The following EGFR variants were observed in gnomAD, a reference collection of about 807,000 sequenced individuals.
The protein encoded by EGFR is avian erythroblastic leukemia viral (v-erb-b) oncogene homolog.
A neutral mutation model predicts 143.0 loss-of-function variants in EGFR; 58 were observed. That is an observed-to-expected ratio of 0.41 (90% confidence interval 0.33 to 0.50). The LOEUF is 0.50. Ranked by LOEUF, EGFR falls within the 20% of genes least tolerant of loss-of-function variation. The probability of loss-of-function intolerance (pLI) is 0.39; values close to 1 mark genes in which losing one functional copy is unlikely to be tolerated. For missense variants in EGFR, 1,307 were observed against 1,579.0 expected (o/e 0.83, Z 2.92); for synonymous variants, 613 against 594.4 (o/e 1.03, Z -0.45).
At chr7:55,140,496 C>T (rs1794399559) in intron 1 of EGFR, among the ~76,000 whole-genome samples, 2 of 152,194 alleles carry the variant, frequency 1.3e-5, no homozygotes, top group African/African-American at 4.8e-5. Flanking sequence ...CGAAAGGCCA[C>T]ATGTTATTGT....
intron 1 of EGFR, among the ~76,000 whole-genome samples, chr7:55,088,382 G>A (rs57682440): frequency 0.19 from 29,165 of 152,126 alleles, 3,210 homozygotes; most frequent in African/African-American, 0.28. Flanking sequence ...AGCGTGGTGC[G>A]TCCAGTACCT....
chr7:55,161,597 AG>A lies in EGFR; in HGVS notation c.1600del (p.Glu534AsnfsTer34). 1 of 1,614,280 alleles carries A rather than the reference AG, an allele frequency of 6.2e-7. No individual in the cohort carries two copies. The highest frequency in any genetic ancestry group is 8.5e-7 in the Non-Finnish European group (1 of 1,180,038). On this transcript the variant is annotated frameshift_variant, in exon 13 of 28. Coordinates refer to ENST00000275493, the MANE Select transcript of EGFR (RefSeq NM_005228.5). LOFTEE classifies it high-confidence loss of function. ...CVSCRNVSRG[R>X]ECVDKCNLLE... ...CTCTTGCCGGAATGTCAGCCGAGGC[AG>A]GGAATGCGTGGACAAGTGCAACCTT...
intron 14 of EGFR, among the ~76,000 whole-genome samples, chr7:55,164,724 A>G (rs1785882086): frequency 2.0e-5 from 3 of 152,228 alleles, no homozygotes; most frequent in African/African-American, 7.2e-5. Flanking sequence ...CAACCTGAGC[A>G]GTGCTTTTAT....
intron 1 of EGFR, among the ~76,000 whole-genome samples, chr7:55,088,054 A>AACAC (rs3063038): frequency 0.022 from 3,346 of 150,730 alleles, 123 homozygotes; most frequent in African/African-American, 0.075. Flanking sequence ...TCAGGGTATA[A>AACAC]ACACACACAC....
intron 1 of EGFR, among the ~76,000 whole-genome samples, chr7:55,108,987 G>C (rs1375270748): frequency 6.6e-6 from 1 of 152,138 alleles, no homozygotes; most frequent in Admixed American, 6.5e-5. Context: ...AAATCAGCAG[G>C]ATACATTGTG....
chr7:55,165,486 A>G (rs1447685558), intron 15 of EGFR, 49 bp downstream of exon 15: 2 of 1,571,374 alleles, frequency 1.3e-6, no homozygotes, highest in Admixed American at 3.7e-5. Context: ...TTGCAAATTC[A>G]GAGATCAAAA....
chr7:55,128,541 G>C (rs1233914981), intron 1 of EGFR, among the ~76,000 whole-genome samples: 1 of 152,156 alleles, frequency 6.6e-6, no homozygotes, highest in South Asian at 2.1e-4. Flanking sequence ...AATATACGAC[G>C]TGTGTTCTGT....
At chr7:55,192,971 C>A in intron 22 of EGFR, 130 bp downstream of exon 22, 2 of 848,302 alleles carry the variant, frequency 2.4e-6, no homozygotes, top group East Asian at 2.6e-5. Flanking sequence ...ATAATGTAAT[C>A]ATTGCTGTCT....
At chr7:55,147,683 A>G (rs1794838958) in intron 4 of EGFR, among the ~76,000 whole-genome samples, 1 of 152,348 alleles carries the variant, frequency 6.6e-6, no homozygotes, top group Admixed American at 6.5e-5. Flanking sequence ...GGCATTATAC[A>G]TCCACATGGG....
chr7:55,057,251 G>A (rs77434480), intron 1 of EGFR, among the ~76,000 whole-genome samples: 1,553 of 152,292 alleles, frequency 0.01, 31 homozygotes, highest in African/African-American at 0.036. Context: ...ATAAAGTTGC[G>A]AATGCCTCAC....
At chr7:55,089,886 G>T (rs527569512) in intron 1 of EGFR, among the ~76,000 whole-genome samples, 1 of 152,238 alleles carries the variant, frequency 6.6e-6, no homozygotes, top group Admixed American at 6.5e-5. Context: ...AATACAAGCT[G>T]CTCAAAGGAC....
At chr7:55,071,902 G>A (rs1583968088) in intron 1 of EGFR, among the ~76,000 whole-genome samples, 1 of 152,320 alleles carries the variant, frequency 6.6e-6, no homozygotes, top group East Asian at 1.9e-4. Flanking sequence ...TCTGGGCAAG[G>A]CAAGGCAAAA....
chr7:55,145,193 G>A (rs1002143846), intron 3 of EGFR, among the ~76,000 whole-genome samples: 1 of 152,152 alleles, frequency 6.6e-6, no homozygotes, highest in South Asian at 2.1e-4. Flanking sequence ...CTGTGCCTCT[G>A]TGCTCTCCTC....
intron 1 of EGFR, among the ~76,000 whole-genome samples, chr7:55,071,465 G>A (rs545376428): frequency 2.0e-5 from 3 of 152,304 alleles, no homozygotes; most frequent in South Asian, 2.1e-4. Flanking sequence ...TTTTTGAAAA[G>A]AGGACTAAAA....
At chr7:55,068,545 CACAG>C (rs1368956504) in intron 1 of EGFR, among the ~76,000 whole-genome samples, 40 of 152,294 alleles carry the variant, frequency 2.6e-4, no homozygotes, top group African/African-American at 9.1e-4. Flanking sequence ...GTGTCCAGGG[CACAG>C]TGATCCTCAT....
chr7:55,026,120 C>G (rs1786869177), intron 1 of EGFR, among the ~76,000 whole-genome samples: 1 of 152,114 alleles, frequency 6.6e-6, no homozygotes, highest in Non-Finnish European at 1.5e-5. Flanking sequence ...GGGAATGGAG[C>G]CTGGCACACA....
At position 55,174,031 on chromosome 7, in the gene EGFR, C is replaced by T. The variant is rs754578411; in HGVS notation, c.2172C>T (p.Gly724=). 12 of 1,614,104 alleles carry T rather than the reference C, an allele frequency of 7.4e-6. No individual in the cohort carries two copies. Among genetic ancestry groups the T allele is most frequent in the Admixed American group, 6.7e-5 (4 of 60,014 alleles). Residue 724 remains glycine (G), a synonymous_variant, in exon 18 of 28, where the codon GGC becomes GGT. Coordinates refer to ENST00000275493, the MANE Select transcript of EGFR (RefSeq NM_005228.5). ...AAGTGCTGGGCTCCGGTGCGTTCGG[C>T]ACGGTGTATAAGGTAAGGTCCCTGG... ...KIKVLGSGAF[G]TVYKGLWIPE... is the part of the protein sequence containing the mutation.
At chr7:55,131,811 A>G (rs1793854411) in intron 1 of EGFR, among the ~76,000 whole-genome samples, 1 of 152,080 alleles carries the variant, frequency 6.6e-6, no homozygotes, top group Non-Finnish European at 1.5e-5. Flanking sequence ...GCATTCAGAG[A>G]CATTCACACA....
intron 9 of EGFR, 27 bp from the exon 10 acceptor site, chr7:55,156,732 C>A: frequency 6.2e-7 from 1 of 1,613,762 alleles, no homozygotes; most frequent in Non-Finnish European, 8.5e-7. Flanking sequence ...GATTGGTGAT[C>A]AATAATCACC....
Sources: allele counts gnomAD v4.1 joint callset (sites outside exome capture counted in the v4.1 genomes callset), GRCh38; gene constraint gnomAD v4.1.1; transcripts MANE v1.5; gene names NCBI Gene and HGNC (gene_info 2026-07-23, HGNC 2026-07-21).